The following RRBP1 variants were observed in gnomAD, a reference collection of about 807,000 sequenced individuals.
The protein encoded by RRBP1 is ribosome-binding protein 1.
Under a neutral mutation model 165.2 loss-of-function variants are expected in RRBP1, and 94 were observed. The observed-to-expected ratio is 0.57, with a 90% CI of 0.48 to 0.68. The LOEUF (loss-of-function observed/expected upper bound fraction) is 0.68, where lower values mean the gene tolerates loss of function less well. Among genes scored for constraint, RRBP1 ranks in the 30% least tolerant of loss-of-function variants. The pLI, the probability that RRBP1 is intolerant of heterozygous loss-of-function variation, is 0.00. For missense variants in RRBP1, 1,676 were observed against 1,763.0 expected (o/e 0.95, Z 0.88); for synonymous variants, 680 against 714.5 (o/e 0.95, Z 0.77).
At chr20:17,634,191 G>GT (rs1291651983) in intron 7 of RRBP1, among the ~76,000 whole-genome samples, 2 of 152,262 alleles carry the variant, frequency 1.3e-5, no homozygotes, top group African/African-American at 4.8e-5. Context: ...CCTTTCCAGC[G>GT]TAAGGCGTGT....
chr20:17,639,228 GC>G (rs1281653918), intron 5 of RRBP1, among the ~76,000 whole-genome samples: 3 of 152,194 alleles, frequency 2.0e-5, no homozygotes, highest in Non-Finnish European at 4.4e-5. Context: ...GTTCTCAAGG[GC>G]GTCTGAGCCC....
chr20:17,670,859 G>A (rs1256663855), intron 2 of RRBP1, among the ~76,000 whole-genome samples: 1 of 152,130 alleles, frequency 6.6e-6, no homozygotes, highest in African/African-American at 2.4e-5. Flanking sequence ...GGTTTTGGTT[G>A]GGTGTCTTAC....
intron 3 of RRBP1, among the ~76,000 whole-genome samples, chr20:17,647,081 C>CA (rs2036478500): frequency 6.6e-6 from 1 of 152,214 alleles, no homozygotes; most frequent in Non-Finnish European, 1.5e-5. Flanking sequence ...CAAAAGGCTC[C>CA]GGCTCAGCTC....
chr20:17,616,698 G>C, intron 21 of RRBP1, 34 bp downstream of exon 21: 2 of 1,421,212 alleles, frequency 1.4e-6, no homozygotes, highest in South Asian at 2.3e-5. Flanking sequence ...TCTGGGATTA[G>C]TGATGTGTCT....
chr20:17,671,527 A>G (rs1224956824), intron 2 of RRBP1, among the ~76,000 whole-genome samples: 1 of 152,160 alleles, frequency 6.6e-6, no homozygotes, highest in African/African-American at 2.4e-5. Context: ...TGGGATCCAC[A>G]TGAGGGACAA....
Position 17,614,849 on chromosome 20 carries a change from C to G in RRBP1, c.4082G>C (p.Ser1361Thr). Residue 1361 changes from serine to threonine, a missense_variant, in exon 24 of 25, where the codon AGT (serine) becomes ACT (threonine). Physicochemically the swap from Ser to Thr is moderately conservative, Grantham distance 58. Transcript: ENST00000377813. ...ERLEKEKKLT[S>T]DLGRAATRLQ... The stretch of plus-strand genomic sequence containing the variant: ...TCTCGTGGCGGCGCGCCCCAGGTCA[C>G]TTGTTAACTTCTTCTCTTTTTCTAG... The G allele has an allele frequency of 6.2e-7, 1 of 1,613,820 alleles. No homozygotes were observed. The highest frequency in any genetic ancestry group is 8.5e-7 in the Non-Finnish European group (1 of 1,180,010).
In RRBP1 at chr20:17,635,786, C is replaced by T. The variant is rs371504196; in HGVS notation, c.2338-122G>A. ...AAACCCCCAAAAGCCTCCACCTTTT[C>T]CACGTGGAAGTTAAGAGGATCCCAT... On this transcript the variant is annotated intron_variant, in intron 6 of 24. Transcript: ENST00000377813. 115 of 764,314 alleles carry T rather than the reference C, an allele frequency of 1.5e-4. 2 individuals are homozygous for T. The highest frequency in any genetic ancestry group is 1.1e-3 in the East Asian group (41 of 38,480). The allele number at this position is 764,314 out of a possible 1,614,324, so 47.3% of individuals were successfully genotyped here.
At chr20:17,678,416 T>G (rs1194732513) in intron 2 of RRBP1, among the ~76,000 whole-genome samples, 1 of 152,348 alleles carries the variant, frequency 6.6e-6, no homozygotes, top group Admixed American at 6.5e-5. Flanking sequence ...CTCCCACTCC[T>G]TTTTCTTGGA....
At chr20:17,623,631 A>G (rs1337669016) in intron 13 of RRBP1, among the ~76,000 whole-genome samples, 1 of 152,170 alleles carries the variant, frequency 6.6e-6, no homozygotes, top group Non-Finnish European at 1.5e-5. Context: ...CCCCTCTGTG[A>G]CTTAAAGACT....
chr20:17,621,448 C>T lies in RRBP1; in HGVS notation c.3414+10G>A. The T allele has an allele frequency of 6.2e-7, 1 of 1,607,712 alleles. No homozygotes were observed. ...CAGGGATGCCCAGCTGACAGGTTCC[C>T]AATGCTCACCGTCTCCGCCAGGATG... On this transcript the variant is annotated intron_variant, in intron 16 of 24. Transcript: ENST00000377813.
intron 5 of RRBP1, among the ~76,000 whole-genome samples, chr20:17,639,569 A>G (rs1270692256): frequency 6.6e-6 from 1 of 152,176 alleles, no homozygotes; most frequent in African/African-American, 2.4e-5. Context: ...TTCCCTCAGC[A>G]GTGCTGGGCA....
intron 13 of RRBP1, among the ~76,000 whole-genome samples, chr20:17,622,607 C>G (rs921727097): frequency 1.2e-4 from 18 of 152,020 alleles, no homozygotes; most frequent in African/African-American, 4.4e-4. Flanking sequence ...GACACCCCCT[C>G]AGTCCTCAAC....
Position 17,614,113 on chromosome 20 carries a change from T to C in RRBP1, c.*69A>G. 1 of 1,519,264 alleles carries C rather than the reference T, an allele frequency of 6.6e-7. No individual in the cohort carries two copies. The highest frequency in any genetic ancestry group is 9.1e-7 in the Non-Finnish European group (1 of 1,094,250). The allele number at this position is 1,519,264 out of a possible 1,614,324, so 94.1% of individuals were successfully genotyped here. A position where few individuals can be genotyped will look rare whatever the true frequency, so the allele number is the denominator to read the frequency against. On this transcript the variant is annotated 3_prime_UTR_variant, in exon 25 of 25. Coordinates refer to ENST00000377813, the MANE Select transcript of RRBP1 (RefSeq NM_001365613.2). Reference sequence around the variant, plus strand: ...GGATAACGCTGTGTAGGTTGGTTGGTTTATTTGTAAGGAATGTGTAAGGCA... The same window carrying C: ...GGATAACGCTGTGTAGGTTGGTTGGCTTATTTGTAAGGAATGTGTAAGGCA...
At chr20:17,657,048 C>G (rs775764731) in intron 3 of RRBP1, among the ~76,000 whole-genome samples, 2 of 152,154 alleles carry the variant, frequency 1.3e-5, no homozygotes, top group African/African-American at 2.4e-5. Flanking sequence ...TAAAACCACA[C>G]GAAATAACAA....
At chr20:17,635,981 G>C (rs933621205) in intron 6 of RRBP1, among the ~76,000 whole-genome samples, 1 of 152,210 alleles carries the variant, frequency 6.6e-6, no homozygotes. Context: ...ATGGTTGACT[G>C]TTCTAAGACA....
chr20:17,672,248 T>A (rs1012621768), intron 2 of RRBP1, among the ~76,000 whole-genome samples: 7 of 152,172 alleles, frequency 4.6e-5, no homozygotes, highest in African/African-American at 1.7e-4. Context: ...TGATGAAGAA[T>A]TCAATCTCAA....
At position 17,682,075 on chromosome 20, in the gene RRBP1, C is replaced by A. The variant is rs2037205348; in HGVS notation, c.-146G>T. The stretch of plus-strand genomic sequence containing the variant: ...GAAAGCGAGAGGGCAGGAGCCGCCG[C>A]CTTCGCAGCCGCCGCGGAGCCGGGA... On this transcript the variant is annotated 5_prime_UTR_variant, in exon 1 of 25. Transcript: ENST00000377813. 1 of 153,610 alleles carries A rather than the reference C, an allele frequency of 6.5e-6. No individual in the cohort carries two copies. The highest frequency in any genetic ancestry group is 1.4e-5 in the Non-Finnish European group (1 of 69,338). The allele number at this position is 153,610 out of a possible 1,614,324, so 9.5% of individuals were successfully genotyped here. A position where few individuals can be genotyped will look rare whatever the true frequency, so the allele number is the denominator to read the frequency against.
chr20:17,630,083 G>A, intron 8 of RRBP1, 122 bp from the exon 9 acceptor site: 8 of 1,145,958 alleles, frequency 7.0e-6, no homozygotes, highest in Non-Finnish European at 9.6e-6. Context: ...TCTGGTCCAT[G>A]TGGGAAGGAA....
At position 17,672,004 on chromosome 20, in the gene RRBP1, T is replaced by C. The variant is rs1379138776; in HGVS notation, c.-22+7995A>G. 2.6e-5 allele frequency among the ~76,000 whole-genome samples: 4 copies of C among 152,334 alleles called. No homozygotes were observed. In the South Asian group the frequency reaches 6.2e-4, roughly 24 times the overall value. On this transcript the variant is annotated intron_variant, in intron 2 of 24. Coordinates refer to ENST00000377813, the MANE Select transcript of RRBP1 (RefSeq NM_001365613.2). ...GAAAAGGGAGCACGTGGCTGCCATGTGCCAGGAGGCTGGCTGTGCCAGGGA... is the reference window on the plus strand; with the variant it reads ...GAAAAGGGAGCACGTGGCTGCCATGCGCCAGGAGGCTGGCTGTGCCAGGGA...
Sources: gnomAD v4.1 joint callset for allele counts (sites outside exome capture counted in the v4.1 genomes callset) on GRCh38, gnomAD v4.1.1 for gene constraint, MANE v1.5 for transcripts, NCBI Gene and HGNC (gene_info 2026-07-23, HGNC 2026-07-21) for gene names.